The following TENM2 variants were observed in gnomAD, a reference collection of about 807,000 sequenced individuals.
TENM2 encodes the protein teneurin-2.
A neutral mutation model predicts 245.2 loss-of-function variants in TENM2; 52 were observed. The ratio of observed to expected loss-of-function variants is 0.21; its 90% CI spans 0.17 to 0.27. TENM2 has a LOEUF of 0.27. TENM2 is among the 10% of genes least tolerant of loss of function. The probability of loss-of-function intolerance (pLI) is 1.00; values close to 1 mark genes in which losing one functional copy is unlikely to be tolerated. For missense variants in TENM2, 3,046 were observed against 3,666.8 expected (o/e 0.83, Z 4.37); for synonymous variants, 1,363 against 1,438.9 (o/e 0.95, Z 1.19).
chr5:167,993,616 G>A (rs925663893), intron 5 of TENM2, among the ~76,000 whole-genome samples: 2 of 152,214 alleles, frequency 1.3e-5, no homozygotes, highest in Non-Finnish European at 2.9e-5. Flanking sequence ...AGAACATCTT[G>A]ATTCGAGAGA....
At chr5:168,074,772 C>A (rs1791318648) in intron 7 of TENM2, among the ~76,000 whole-genome samples, 1 of 152,168 alleles carries the variant, frequency 6.6e-6, no homozygotes, top group Non-Finnish European at 1.5e-5. Flanking sequence ...GAATCATCCC[C>A]CAGATATTTC....
intron 6 of TENM2, among the ~76,000 whole-genome samples, chr5:168,060,152 C>T (rs1256228344): frequency 6.6e-6 from 1 of 151,328 alleles, no homozygotes; most frequent in Non-Finnish European, 1.5e-5. Flanking sequence ...TTTTGGGAGG[C>T]CAAAGCTGGA....
intron 5 of TENM2, among the ~76,000 whole-genome samples, chr5:168,038,701 C>G (rs1395933713): frequency 6.6e-6 from 1 of 152,214 alleles, no homozygotes. Context: ...AATGTGAACC[C>G]TGATTGACAT....
At chr5:168,085,225 C>T (rs1255564061) in intron 7 of TENM2, 1 of 152,196 alleles carries the variant, frequency 6.6e-6, no homozygotes, top group East Asian at 1.9e-4. Context: ...AAAATAGGCT[C>T]TTATTTTTTA....
intron 2 of TENM2, among the ~76,000 whole-genome samples, chr5:167,463,711 G>C (rs1379484147): frequency 1.3e-5 from 2 of 152,138 alleles, no homozygotes; most frequent in South Asian, 2.1e-4. Context: ...GGCCAGGCTT[G>C]TCTTGAACTC....
intron 1 of TENM2, among the ~76,000 whole-genome samples, chr5:167,286,670 G>A (rs548408394): frequency 3.3e-5 from 5 of 152,170 alleles, no homozygotes; most frequent in South Asian, 4.1e-4. Context: ...TCCTGCATAC[G>A]TTTTTGTGTC....
At chr5:167,173,019 C>T in the TENM2 span, among the ~76,000 whole-genome samples, 7 of 152,168 alleles carry the variant, frequency 4.6e-5, no homozygotes, top group Non-Finnish European at 1.0e-4. Flanking sequence ...GTTACCCAAA[C>T]TCTGTATACA....
chr5:167,289,902 C>T (rs1488993644), intron 1 of TENM2, among the ~76,000 whole-genome samples: 1 of 152,106 alleles, frequency 6.6e-6, no homozygotes, highest in East Asian at 1.9e-4. Context: ...GTTTGAAAAC[C>T]TCAGCACTTT....
At chr5:167,075,765 G>T in the TENM2 span, among the ~76,000 whole-genome samples, 3 of 152,100 alleles carry the variant, frequency 2.0e-5, no homozygotes, top group African/African-American at 4.8e-5. Context: ...AAACTCCTAC[G>T]AACTTTTAGA....
chr5:167,501,494 A>G (rs977924021), intron 2 of TENM2, among the ~76,000 whole-genome samples: 4 of 152,172 alleles, frequency 2.6e-5, no homozygotes, highest in African/African-American at 9.7e-5. Context: ...ATGTTGGCAG[A>G]GATGCATTCA....
chr5:167,081,020 C>T, the TENM2 span, among the ~76,000 whole-genome samples: 2 of 151,732 alleles, frequency 1.3e-5, no homozygotes, highest in African/African-American at 4.8e-5. Context: ...TGTTACTGAT[C>T]ACATATTAGC....
the TENM2 span, among the ~76,000 whole-genome samples, chr5:166,980,301 A>G: frequency 6.6e-6 from 1 of 152,202 alleles, no homozygotes; most frequent in Non-Finnish European, 1.5e-5. Context: ...ACGTACAGCA[A>G]TATCTCTCTT....
At chr5:167,732,087 G>A (rs1156790060) in intron 2 of TENM2, among the ~76,000 whole-genome samples, 1 of 152,136 alleles carries the variant, frequency 6.6e-6, no homozygotes, top group African/African-American at 2.4e-5. Context: ...CTACTAAGAG[G>A]TGGCTTTTAA....
intron 3 of TENM2, among the ~76,000 whole-genome samples, chr5:167,919,142 T>A (rs1387078101): frequency 6.6e-6 from 1 of 152,226 alleles, no homozygotes; most frequent in African/African-American, 2.4e-5. Flanking sequence ...TTGACATTTA[T>A]GCTTTTACTT....
At chr5:167,741,439 C>T (rs530240646) in intron 2 of TENM2, among the ~76,000 whole-genome samples, 2 of 152,282 alleles carry the variant, frequency 1.3e-5, no homozygotes, top group South Asian at 2.1e-4. Context: ...GGTTTTAGCA[C>T]TTAAAGTGTG....
At chr5:167,352,728 G>A (rs1759001398) in intron 1 of TENM2, among the ~76,000 whole-genome samples, 1 of 152,204 alleles carries the variant, frequency 6.6e-6, no homozygotes, top group African/African-American at 2.4e-5. Flanking sequence ...TCTTCTTAGA[G>A]TTGTAGCTAA....
At chr5:167,008,165 T>C in the TENM2 span, among the ~76,000 whole-genome samples, 1 of 152,200 alleles carries the variant, frequency 6.6e-6, no homozygotes, top group African/African-American at 2.4e-5. Flanking sequence ...ATATCATAAT[T>C]TTCTTCCCTG....
chr5:167,423,124 T>C (rs567243817), intron 2 of TENM2, among the ~76,000 whole-genome samples: 7 of 152,186 alleles, frequency 4.6e-5, no homozygotes, highest in Admixed American at 1.3e-4. Flanking sequence ...AAAATACACA[T>C]TGTTAGTGTC....
chr5:168,112,613 G>GGT (rs1554199722), intron 9 of TENM2, among the ~76,000 whole-genome samples: 1 of 120,810 alleles, frequency 8.3e-6, no homozygotes. Flanking sequence ...GGGCGGGGGG[G>GGT]GGGTCAAACT....
Sources: gnomAD v4.1 joint callset for allele counts (sites outside exome capture counted in the v4.1 genomes callset) on GRCh38, gnomAD v4.1.1 for gene constraint, MANE v1.5 for transcripts, NCBI Gene and HGNC (gene_info 2026-07-23, HGNC 2026-07-21) for gene names.